The following ST18 variants were observed in gnomAD, a reference collection of about 807,000 sequenced individuals.
ST18 encodes the protein ST18 C2H2C-type zinc finger transcription factor, also known as suppression of tumorigenicity 18 protein.
A neutral mutation model predicts 110.0 loss-of-function variants in ST18; 50 were observed. The ratio of observed to expected loss-of-function variants is 0.45; its 90% confidence interval spans 0.36 to 0.58. The LOEUF is 0.58. Among genes scored for constraint, ST18 ranks in the 20% least tolerant of loss-of-function variants. The pLI, the probability that ST18 is intolerant of heterozygous loss-of-function variation, is 0.00. For synonymous variants in ST18, 461 were observed against 452.4 expected, an observed-to-expected ratio of 1.02 and a Z score of -0.24; for missense variants, 1,306 against 1,280.1, an observed-to-expected ratio of 1.02 and a Z score of -0.31.
chr8:52,119,622 G>T (rs2043902148), intron 23 of ST18, among the ~76,000 whole-genome samples: 1 of 152,118 alleles, frequency 6.6e-6, no homozygotes, highest in Non-Finnish European at 1.5e-5. Context: ...CAAAACAAAT[G>T]GTTGCACACA....
chr8:52,208,944 T>C (rs1261677721), intron 8 of ST18, among the ~76,000 whole-genome samples: 1 of 152,250 alleles, frequency 6.6e-6, no homozygotes, highest in African/African-American at 2.4e-5. Flanking sequence ...GTGATTTTTA[T>C]AAGCTGGGTC....
intron 2 of ST18, among the ~76,000 whole-genome samples, chr8:52,327,760 C>T (rs568382385): frequency 6.6e-6 from 1 of 152,282 alleles, no homozygotes; most frequent in South Asian, 2.1e-4. Flanking sequence ...AGCTAAACCC[C>T]ATCAGTATCC....
At chr8:52,156,753 ATG>A (rs757997867) in intron 15 of ST18, among the ~76,000 whole-genome samples, 9 of 151,876 alleles carry the variant, frequency 5.9e-5, no homozygotes, top group Admixed American at 3.9e-4. Flanking sequence ...GCGTGTGTGC[ATG>A]TGTGTGTGTG....
chr8:52,140,958 T>TTA (rs1382036511), intron 17 of ST18, among the ~76,000 whole-genome samples: 1 of 152,192 alleles, frequency 6.6e-6, no homozygotes, highest in African/African-American at 2.4e-5. Flanking sequence ...AAAAGGTGTC[T>TTA]GGCTGGCCTA....
At chr8:52,217,198 A>G (rs2084643931) in intron 6 of ST18, among the ~76,000 whole-genome samples, 1 of 152,128 alleles carries the variant, frequency 6.6e-6, no homozygotes, top group Non-Finnish European at 1.5e-5. Flanking sequence ...TCCTTTCCAG[A>G]TTTCTTAGGG....
intron 2 of ST18, among the ~76,000 whole-genome samples, chr8:52,364,985 G>T (rs1480047450): frequency 6.6e-6 from 1 of 151,938 alleles, no homozygotes; most frequent in African/African-American, 2.4e-5. Context: ...GTTGCGGGGG[G>T]TGCCTGTAAT....
In ST18 at chr8:52,165,150, C is replaced by A. The variant is rs745818812; in HGVS notation, c.1280G>T (p.Arg427Leu). ...CTGRGHVNSN[R>L]NTHRSLSGCP... ...TGAGAATTACCTCCTGTGGGTGTTG[C>A]GGTTGCTGTTCACATGACCCCTTCC... is the stretch of plus-strand genomic sequence containing the variant. The change falls in exon 12 of 26, where the codon CGC becomes CTC. Residue 427 changes from arginine (R) to leucine (L), a missense_variant. Physicochemically the swap from Arg to Leu is moderately radical, Grantham distance 102. Transcript: ENST00000689386. 6.2e-7 allele frequency: 1 copy of A among 1,614,110 alleles called. No individual in the cohort carries two copies. The highest frequency in any genetic ancestry group is 8.5e-7 in the Non-Finnish European group (1 of 1,179,984).
chr8:52,137,982 T>A (rs181437712), intron 17 of ST18, among the ~76,000 whole-genome samples: 2 of 149,860 alleles, frequency 1.3e-5, no homozygotes, highest in East Asian at 3.9e-4. Flanking sequence ...ATGCCTGTAA[T>A]CCCAGCTACT....
Position 52,172,920 on chromosome 8 carries a change from T to C in ST18, c.278-337A>G, listed in dbSNP as rs940142882. On this transcript the variant is annotated intron_variant, in intron 9 of 25. Transcript: ENST00000689386. ...ACAAGAAGTAGATACTTAACAATAATAGTATTTGCTGAATGTGAAATTATT... is the reference window on the plus strand; with the variant it reads ...ACAAGAAGTAGATACTTAACAATAACAGTATTTGCTGAATGTGAAATTATT... Among the ~76,000 whole-genome samples, 29 of 152,302 alleles carry C rather than the reference T, an allele frequency of 1.9e-4. No homozygotes were observed. In the East Asian group the frequency reaches 2.5e-3, roughly 13 times the overall value.
At chr8:52,145,840 G>A (rs933212818) in intron 16 of ST18, among the ~76,000 whole-genome samples, 2 of 152,148 alleles carry the variant, frequency 1.3e-5, no homozygotes, top group African/African-American at 4.8e-5. Context: ...GAAATCTTTG[G>A]AGAACTGACA....
At position 52,161,492 on chromosome 8, in the gene ST18, C is replaced by T; in HGVS notation, c.1477G>A (p.Glu493Lys). 1 of 1,614,170 alleles carries T rather than the reference C, an allele frequency of 6.2e-7. No individual in the cohort carries two copies. The highest frequency in any genetic ancestry group is 8.5e-7 in the Non-Finnish European group (1 of 1,180,028). ...ITSPRATVSKEQEKFGKVPFD... is the reference protein window; with the variant it reads ...ITSPRATVSKKQEKFGKVPFD... ...GGTACTTTTCCAAACTTCTCTTGTT[C>T]TTTTGACACTGTGGCTCTGGGAGAG... is the stretch of plus-strand genomic sequence containing the variant. The change falls in exon 14 of 26, where the codon GAA becomes AAA. Residue 493 changes from glutamate to lysine, a missense_variant. Transcript: ENST00000689386.
At chr8:52,147,744 A>G (rs1265802747) in intron 16 of ST18, among the ~76,000 whole-genome samples, 2 of 152,138 alleles carry the variant, frequency 1.3e-5, no homozygotes, top group African/African-American at 4.8e-5. Context: ...ACCCACATCC[A>G]CACATCCTGG....
chr8:52,159,617 C>T (rs914364253), intron 14 of ST18, among the ~76,000 whole-genome samples: 1 of 152,098 alleles, frequency 6.6e-6, no homozygotes, highest in Non-Finnish European at 1.5e-5. Flanking sequence ...GATATGCAGG[C>T]TTGTTTTGTC....
chr8:52,381,045 G>T (rs184776196), intron 2 of ST18, among the ~76,000 whole-genome samples: 3 of 152,194 alleles, frequency 2.0e-5, no homozygotes, highest in African/African-American at 7.2e-5. Context: ...TATAAATACG[G>T]TCAGTATTGT....
At chr8:52,281,296 A>G (rs889735914) in intron 2 of ST18, among the ~76,000 whole-genome samples, 16 of 152,156 alleles carry the variant, frequency 1.1e-4, no homozygotes, top group Admixed American at 3.3e-4. Context: ...GAAAATAATC[A>G]TAAAGAAGTG....
intron 3 of ST18, among the ~76,000 whole-genome samples, chr8:52,226,125 G>A (rs544384988): frequency 2.6e-5 from 4 of 152,296 alleles, no homozygotes; most frequent in African/African-American, 7.2e-5. Flanking sequence ...CTCAGAGAGA[G>A]CAAATCTCCA....
intron 2 of ST18, among the ~76,000 whole-genome samples, chr8:52,324,420 G>A (rs1360990861): frequency 1.3e-5 from 2 of 151,992 alleles, no homozygotes; most frequent in African/African-American, 4.8e-5. Context: ...TAAGAGTTCT[G>A]GGGACTAAAG....
At chr8:52,316,102 G>A (rs541018469) in intron 2 of ST18, among the ~76,000 whole-genome samples, 4 of 152,266 alleles carry the variant, frequency 2.6e-5, no homozygotes, top group South Asian at 4.1e-4. Flanking sequence ...TTTCATTGAT[G>A]TGACATATAC....
intron 2 of ST18, among the ~76,000 whole-genome samples, chr8:52,339,493 C>T (rs1480152884): frequency 3.3e-5 from 5 of 152,236 alleles, no homozygotes; most frequent in African/African-American, 1.2e-4. Flanking sequence ...GCACGTACAG[C>T]AGGGTTCGCA....
Sources: allele counts gnomAD v4.1 joint callset (sites outside exome capture counted in the v4.1 genomes callset), GRCh38; gene constraint gnomAD v4.1.1; transcripts MANE v1.5; gene names NCBI Gene and HGNC (gene_info 2026-07-23, HGNC 2026-07-21).